Variants in RANBP2 observed in about 807,000 individuals in gnomAD.
The protein encoded by RANBP2 is E3 SUMO-protein ligase RanBP2.
Under a neutral mutation model 303.6 loss-of-function variants are expected in RANBP2, and 57 were observed. The observed-to-expected ratio is 0.19, with a 90% CI of 0.15 to 0.23. RANBP2 has a LOEUF of 0.23. Ranked by LOEUF, RANBP2 falls within the 10% of genes least tolerant of loss-of-function variation. RANBP2 has a pLI of 1.00. For missense variants in RANBP2, 3,138 were observed against 3,780.8 expected, an observed-to-expected ratio of 0.83 and a Z score of 4.46; for synonymous variants, 1,167 against 1,301.5, an observed-to-expected ratio of 0.90 and a Z score of 2.23.
chr2:109,211,748 A>G, the RANBP2 span, among the ~76,000 whole-genome samples: 1 of 151,556 alleles, frequency 6.6e-6, no homozygotes, highest in Non-Finnish European at 1.5e-5. Flanking sequence ...GGGTTTAAGC[A>G]GTTCTCCTGC....
At chr2:109,418,236 CCT>C in the RANBP2 span, among the ~76,000 whole-genome samples, 1 of 152,138 alleles carries the variant, frequency 6.6e-6, no homozygotes, top group African/African-American at 2.4e-5. Context: ...GGAGGAGACC[CCT>C]GTCTCCCTCC....
At chr2:109,356,877 C>T in the RANBP2 span, among the ~76,000 whole-genome samples, 1 of 152,124 alleles carries the variant, frequency 6.6e-6, no homozygotes, top group Non-Finnish European at 1.5e-5. Context: ...CCCCACAGCG[C>T]TCTCACTTCC....
chr2:109,695,954 CCTCCTCT>C, the RANBP2 span, among the ~76,000 whole-genome samples: 7 of 151,888 alleles, frequency 4.6e-5, no homozygotes, highest in Non-Finnish European at 8.8e-5. Context: ...CTCTTCCCCT[CCTCCTCT>C]CTCACTTTTT....
the RANBP2 span, among the ~76,000 whole-genome samples, chr2:109,037,409 A>T: frequency 2.0e-5 from 3 of 152,034 alleles, no homozygotes; most frequent in Non-Finnish European, 2.9e-5. Flanking sequence ...AGAGACAAGC[A>T]ATCTGTTCTC....
chr2:108,737,550 T>TC (rs1695698769), intron 6 of RANBP2, among the ~76,000 whole-genome samples: 2 of 132,770 alleles, frequency 1.5e-5, no homozygotes, highest in African/African-American at 3.1e-5. Flanking sequence ...GGTCTCAAGC[T>TC]CTTTTTTTTT....
chr2:108,853,945 A>T, the RANBP2 span, among the ~76,000 whole-genome samples: 51 of 122,788 alleles, frequency 4.2e-4, no homozygotes, highest in Middle Eastern at 3.6e-3. Flanking sequence ...TATATATAAT[A>T]TACAATAAAT....
At chr2:109,309,782 A>T in the RANBP2 span, among the ~76,000 whole-genome samples, 1 of 123,414 alleles carries the variant, frequency 8.1e-6, no homozygotes, top group East Asian at 2.3e-4. Context: ...ATTCAACAAG[A>T]AGAGCTAACT....
the RANBP2 span, among the ~76,000 whole-genome samples, chr2:109,184,635 G>C: frequency 6.6e-6 from 1 of 152,170 alleles, no homozygotes; most frequent in Non-Finnish European, 1.5e-5. Context: ...TTCCCAGAGA[G>C]TGAGCTGGTC....
At chr2:109,581,697 A>C in the RANBP2 span, among the ~76,000 whole-genome samples, 1 of 152,112 alleles carries the variant, frequency 6.6e-6, no homozygotes, top group African/African-American at 2.4e-5. Context: ...CAATCCAACA[A>C]ATAAGTTAAT....
chr2:109,721,302 A>G, the RANBP2 span, among the ~76,000 whole-genome samples: 1 of 152,162 alleles, frequency 6.6e-6, no homozygotes, highest in Non-Finnish European at 1.5e-5. Context: ...CAGCAGCTAA[A>G]TGCTGTTATA....
At chr2:108,805,775 A>G in the RANBP2 span, among the ~76,000 whole-genome samples, 1,925 of 152,254 alleles carry the variant, frequency 0.013, 48 homozygotes, top group African/African-American at 0.045. Context: ...AGAGTTGCAT[A>G]ACATAAATAG....
At chr2:109,409,778 A>AG in the RANBP2 span, among the ~76,000 whole-genome samples, 85,550 of 151,228 alleles carry the variant, frequency 0.57, 24,787 homozygotes, top group African/African-American at 0.66. Flanking sequence ...CAGAAGAATC[A>AG]GCCATAAATG....
chr2:109,617,440 C>T, the RANBP2 span: 1 of 167,034 alleles, frequency 6.0e-6, no homozygotes, highest in Admixed American at 6.5e-5. Context: ...GAGTAAATGG[C>T]TTCATAACTA....
the RANBP2 span, among the ~76,000 whole-genome samples, chr2:109,722,660 A>G: frequency 6.6e-6 from 1 of 152,088 alleles, no homozygotes; most frequent in African/African-American, 2.4e-5. Context: ...ACAGGCCTCA[A>G]TGTGTGTTGT....
the RANBP2 span, among the ~76,000 whole-genome samples, chr2:109,150,824 TA>T: frequency 8.6e-5 from 13 of 151,426 alleles, no homozygotes; most frequent in Middle Eastern, 6.8e-3. Context: ...GGGGAGAAAT[TA>T]AAAAAAAAGT....
the RANBP2 span, among the ~76,000 whole-genome samples, chr2:109,360,645 A>G: frequency 4.8e-4 from 73 of 152,336 alleles, no homozygotes; most frequent in Admixed American, 9.1e-4. Flanking sequence ...TAGGAAAGCA[A>G]TTGACTTTTG....
At chr2:109,643,792 T>C in the RANBP2 span, among the ~76,000 whole-genome samples, 1 of 145,712 alleles carries the variant, frequency 6.9e-6, no homozygotes, top group African/African-American at 2.5e-5. Context: ...CAAAAAACCC[T>C]GTTTCCTGAA....
the RANBP2 span, among the ~76,000 whole-genome samples, chr2:109,634,051 C>A: frequency 0.24 from 31,939 of 133,324 alleles, 3,886 homozygotes; most frequent in Admixed American, 0.41. Context: ...ACTCAGGAAG[C>A]GGAGGTTGCA....
the RANBP2 span, among the ~76,000 whole-genome samples, chr2:108,848,441 A>G: frequency 6.6e-6 from 1 of 152,234 alleles, no homozygotes; most frequent in Non-Finnish European, 1.5e-5. Context: ...AAAGAAATAT[A>G]ACAGGGCATA....
Sources: gnomAD v4.1 joint callset for allele counts (sites outside exome capture counted in the v4.1 genomes callset) on GRCh38, gnomAD v4.1.1 for gene constraint, MANE v1.5 for transcripts, NCBI Gene and HGNC (gene_info 2026-07-23, HGNC 2026-07-21) for gene names.